THADA: variants seen among roughly 807,000 people sequenced by gnomAD.
THADA encodes the protein tRNA (32-2'-O)-methyltransferase regulator THADA.
In THADA, 213 loss-of-function variants were observed where a neutral mutation model predicts 219.8. The ratio of observed to expected loss-of-function variants is 0.97; its 90% CI spans 0.87 to 1.09. THADA has a LOEUF of 1.09. THADA is among the 50% of genes least tolerant of loss of function. The probability of loss-of-function intolerance (pLI) is 0.00; values close to 1 mark genes in which losing one functional copy is unlikely to be tolerated. For missense variants in THADA, 2,956 were observed against 2,311.3 expected, an observed-to-expected ratio of 1.28 and a Z score of -5.72; for synonymous variants, 1,018 against 828.9, an observed-to-expected ratio of 1.23 and a Z score of -3.92.
chr2:43,414,636 T>A (rs1296491072), intron 28 of THADA, among the ~76,000 whole-genome samples: 1 of 152,158 alleles, frequency 6.6e-6, no homozygotes, highest in African/African-American at 2.4e-5. Flanking sequence ...ACTTCAGACT[T>A]CAGTTCAGAA....
intron 27 of THADA, among the ~76,000 whole-genome samples, chr2:43,428,972 T>C (rs184928877): frequency 6.6e-6 from 1 of 152,158 alleles, no homozygotes; most frequent in Non-Finnish European, 1.5e-5. Flanking sequence ...GAAGTAAAAT[T>C]CATTACTTTT....
intron 17 of THADA, among the ~76,000 whole-genome samples, chr2:43,553,993 A>C (rs1209618888): frequency 9.2e-5 from 14 of 152,186 alleles, no homozygotes; most frequent in Admixed American, 8.5e-4. Context: ...GAGTTGTACA[A>C]GTTCTTTATA....
chr2:43,467,680 A>G (rs1368281327), intron 26 of THADA, among the ~76,000 whole-genome samples: 2 of 152,204 alleles, frequency 1.3e-5, no homozygotes, highest in Non-Finnish European at 2.9e-5. Context: ...ATCTGTTTTG[A>G]GGCTCACAGT....
chr2:43,442,202 G>A (rs1680925655), intron 26 of THADA, among the ~76,000 whole-genome samples: 1 of 152,112 alleles, frequency 6.6e-6, no homozygotes, highest in Admixed American at 6.5e-5. Flanking sequence ...TTGGGAGGCC[G>A]AGGTGGGCGG....
At chr2:43,277,139 T>G (rs1672810248) in intron 36 of THADA, 1 of 152,374 alleles carries the variant, frequency 6.6e-6, no homozygotes, top group African/African-American at 2.4e-5. Context: ...TGCCAGAGAT[T>G]CCACAAGTAT....
At chr2:43,263,998 T>G (rs1671245419) in intron 36 of THADA, among the ~76,000 whole-genome samples, 1 of 151,882 alleles carries the variant, frequency 6.6e-6, no homozygotes, top group Admixed American at 6.6e-5. Flanking sequence ...GAACAGTGGG[T>G]TTTTAGTTCC....
chr2:43,339,896 C>A (rs1242177945), intron 30 of THADA, among the ~76,000 whole-genome samples: 4 of 151,854 alleles, frequency 2.6e-5, no homozygotes, highest in African/African-American at 9.7e-5. Flanking sequence ...GAGTTCAAGT[C>A]CAGCATAGGC....
intron 30 of THADA, among the ~76,000 whole-genome samples, chr2:43,326,469 T>C (rs1679351692): frequency 6.6e-6 from 1 of 152,194 alleles, no homozygotes; most frequent in Non-Finnish European, 1.5e-5. Flanking sequence ...AGAGGTGGGT[T>C]ATTTTTATTT....
At chr2:43,589,843 T>A (rs950691528) in intron 4 of THADA, among the ~76,000 whole-genome samples, 7 of 150,128 alleles carry the variant, frequency 4.7e-5, no homozygotes, top group Admixed American at 2.0e-4. Flanking sequence ...AATTAAAATT[T>A]AAAAAAAAAG....
intron 23 of THADA, 86 bp downstream of exon 23, chr2:43,508,562 C>A: frequency 7.5e-7 from 1 of 1,338,676 alleles, no homozygotes; most frequent in Non-Finnish European, 1.0e-6. Flanking sequence ...ATGTGTAATA[C>A]GCTCACTCAC....
At chr2:43,364,328 A>G (rs1034634992) in intron 29 of THADA, among the ~76,000 whole-genome samples, 1 of 152,150 alleles carries the variant, frequency 6.6e-6, no homozygotes, top group African/African-American at 2.4e-5. Context: ...ACTTCTCCTA[A>G]CTCAAATGTA....
At chr2:43,416,505 G>C (rs1471703744) in intron 28 of THADA, among the ~76,000 whole-genome samples, 2 of 152,156 alleles carry the variant, frequency 1.3e-5, no homozygotes, top group African/African-American at 2.4e-5. Context: ...TTGGTTTTGT[G>C]ATTATTCAGA....
At chr2:43,384,233 A>C (rs766339279) in intron 29 of THADA, among the ~76,000 whole-genome samples, 31 of 152,218 alleles carry the variant, frequency 2.0e-4, no homozygotes, top group Non-Finnish European at 3.2e-4. Context: ...TTTTTCCAGA[A>C]TAGAAGAAGT....
intron 7 of THADA, among the ~76,000 whole-genome samples, chr2:43,583,888 T>TA (rs1398438122): frequency 2.0e-5 from 3 of 151,430 alleles, no homozygotes; most frequent in African/African-American, 7.3e-5. Context: ...ACCAAAAATA[T>TA]AAAAAACAGG....
At chr2:43,512,197 T>G (rs73925524) in intron 22 of THADA, among the ~76,000 whole-genome samples, 2,042 of 152,290 alleles carry the variant, frequency 0.013, 42 homozygotes, top group African/African-American at 0.044. Flanking sequence ...TGGGAAATGC[T>G]CAAGGCACCA....
At chr2:43,544,011 A>C (rs566032060) in intron 20 of THADA, among the ~76,000 whole-genome samples, 9 of 152,198 alleles carry the variant, frequency 5.9e-5, no homozygotes, top group Admixed American at 1.3e-4. Flanking sequence ...TTAGGTCTAA[A>C]GTTTAAGTCT....
intron 26 of THADA, among the ~76,000 whole-genome samples, chr2:43,444,619 C>T (rs1368753161): frequency 6.6e-6 from 1 of 152,040 alleles, no homozygotes; most frequent in African/African-American, 2.4e-5. Context: ...AGATCTGCCA[C>T]ACATATGAAA....
chr2:43,398,289 C>A, intron 28 of THADA, 150 bp from the exon 29 acceptor site: 1 of 740,490 alleles, frequency 1.4e-6, no homozygotes, highest in Non-Finnish European at 2.1e-6. Flanking sequence ...TGTTTTGTAT[C>A]TGCACTAGTT....
intron 31 of THADA, among the ~76,000 whole-genome samples, 176 bp downstream of exon 31, chr2:43,320,270 A>G (rs1678544259): frequency 6.6e-6 from 1 of 152,246 alleles, no homozygotes; most frequent in Non-Finnish European, 1.5e-5. Context: ...ATAAACAAGA[A>G]CAAGTTTCCC....
Sources: allele counts gnomAD v4.1 joint callset (sites outside exome capture counted in the v4.1 genomes callset), GRCh38; gene constraint gnomAD v4.1.1; transcripts MANE v1.5; gene names NCBI Gene and HGNC (gene_info 2026-07-23, HGNC 2026-07-21).